RNMT: variants seen among roughly 807,000 people sequenced by gnomAD.
RNMT encodes mRNA cap guanine-N(7) methyltransferase.
RNMT carries 27 observed loss-of-function variants against 56.0 expected under a neutral mutation model. That is an observed-to-expected ratio of 0.48 (90% confidence interval 0.36 to 0.67). RNMT has a LOEUF of 0.67. Among genes scored for constraint, RNMT ranks in the 30% least tolerant of loss-of-function variants. The probability of loss-of-function intolerance (pLI) is 0.00; values close to 1 mark genes in which losing one functional copy is unlikely to be tolerated. For missense variants in RNMT, 519 were observed against 552.1 expected, an observed-to-expected ratio of 0.94 and a Z score of 0.60; for synonymous variants, 184 against 176.2, an observed-to-expected ratio of 1.04 and a Z score of -0.35.
Position 13,726,683 on chromosome 18 carries a change from G to C in RNMT, c.-218G>C, listed in dbSNP as rs45561441. 16,081 of 152,342 alleles carry C rather than the reference G, an allele frequency of 0.11. 928 individuals are homozygous for C. The highest frequency in any genetic ancestry group is 0.15 in the South Asian group (716 of 4,828). 9.4% of individuals were successfully genotyped at this position (152,342 alleles called of 1,614,324 possible). A position where few individuals can be genotyped will look rare whatever the true frequency, so the allele number is the denominator to read the frequency against. On this transcript the variant is annotated 5_prime_UTR_variant, in exon 1 of 12. Coordinates refer to ENST00000383314, the MANE Select transcript of RNMT (RefSeq NM_003799.3). ...GGAAGTGACGTAAGCAGACACGCGT[G>C]GCGCGGGCCGCCGTTTCCGCAAACA...
intron 1 of RNMT, among the ~76,000 whole-genome samples, chr18:13,729,110 T>C (rs1376988874): frequency 6.6e-6 from 1 of 152,272 alleles, no homozygotes; most frequent in Non-Finnish European, 1.5e-5. Context: ...CTTTTGGGTA[T>C]TAAATTTTTC....
At chr18:13,742,683 C>G in intron 8 of RNMT, 31 bp downstream of exon 8, 2 of 1,527,410 alleles carry the variant, frequency 1.3e-6, no homozygotes, top group Non-Finnish European at 1.8e-6. Flanking sequence ...TCACTCTTTT[C>G]TTTTTGTCTT....
chr18:13,733,143 C>G (rs80059519), intron 3 of RNMT, among the ~76,000 whole-genome samples: 2,705 of 152,150 alleles, frequency 0.018, 32 homozygotes, highest in Middle Eastern at 0.061. Context: ...ACACTTAAAC[C>G]TGTTACGTAA....
intron 11 of RNMT, among the ~76,000 whole-genome samples, chr18:13,759,474 A>G (rs1307880663): frequency 6.6e-6 from 1 of 152,212 alleles, no homozygotes; most frequent in Non-Finnish European, 1.5e-5. Flanking sequence ...AGGCCCTACA[A>G]CACAATAATT....
At chr18:13,742,977 T>G (rs1432934907) in intron 8 of RNMT, 1 of 177,078 alleles carries the variant, frequency 5.6e-6, no homozygotes, top group Non-Finnish European at 1.2e-5. Context: ...AAAAGTTTTT[T>G]TTTTTTTTTT....
chr18:13,735,632 T>C (rs1476316022), intron 4 of RNMT, among the ~76,000 whole-genome samples: 1 of 152,082 alleles, frequency 6.6e-6, no homozygotes, highest in African/African-American at 2.4e-5. Flanking sequence ...GCAGATAACT[T>C]ATTGGATTTT....
intron 11 of RNMT, 39 bp downstream of exon 11, chr18:13,754,186 A>C: frequency 7.2e-7 from 1 of 1,392,538 alleles, no homozygotes. Context: ...GATAATTTCA[A>C]AAGTCCTGTT....
At chr18:13,733,880 CAATG>C (rs1380911548) in intron 3 of RNMT, among the ~76,000 whole-genome samples, 2 of 152,138 alleles carry the variant, frequency 1.3e-5, no homozygotes, top group African/African-American at 4.8e-5. Flanking sequence ...TGAAATATCA[CAATG>C]AAAATTTTAA....
At chr18:13,729,816 T>G (rs1251342951) in intron 1 of RNMT, among the ~76,000 whole-genome samples, 1 of 152,178 alleles carries the variant, frequency 6.6e-6, no homozygotes, top group East Asian at 1.9e-4. Flanking sequence ...GCTTTTTTTT[T>G]TTAAGTGGGG....
chr18:13,729,052 C>T (rs564363092), intron 1 of RNMT, among the ~76,000 whole-genome samples: 1 of 152,160 alleles, frequency 6.6e-6, no homozygotes, highest in African/African-American at 2.4e-5. Context: ...TTTGCCCAGA[C>T]CAGTGTCTTG....
At chr18:13,753,926 T>C (rs1309970461) in intron 10 of RNMT, among the ~76,000 whole-genome samples, 188 bp from the exon 11 acceptor site, 1 of 151,888 alleles carries the variant, frequency 6.6e-6, no homozygotes, top group African/African-American at 2.4e-5. Flanking sequence ...TCTGAGAAGA[T>C]GACTTTCAAA....
At position 13,761,093 on chromosome 18, in the gene RNMT, A is replaced by G. The variant is rs2044613649; in HGVS notation, c.*1114A>G. ...AATTATTAAGCCATGATTTACAAAA[A>G]CATTACTTTCTGTAATTCACAATAC... On this transcript the variant is annotated 3_prime_UTR_variant, in exon 12 of 12. Transcript: ENST00000383314. The G allele has an allele frequency of 1.0e-6, 1 of 985,064 alleles. No homozygotes were observed. The highest frequency in any genetic ancestry group is 1.2e-6 in the Non-Finnish European group (1 of 829,692). 61.0% of individuals were successfully genotyped at this position (985,064 alleles called of 1,614,324 possible). A position where few individuals can be genotyped will look rare whatever the true frequency, so the allele number is the denominator to read the frequency against.
chr18:13,731,418 A>AT (rs1337125432), intron 2 of RNMT, 58 bp from the exon 3 acceptor site: 3 of 987,412 alleles, frequency 3.0e-6, no homozygotes, highest in Non-Finnish European at 4.5e-6. Context: ...CAAAAAAAAA[A>AT]AAAATTGTTT....
At chr18:13,746,498 G>A (rs1358349566) in intron 9 of RNMT, among the ~76,000 whole-genome samples, 161 bp downstream of exon 9, 2 of 152,222 alleles carry the variant, frequency 1.3e-5, no homozygotes, top group African/African-American at 4.8e-5. Flanking sequence ...TGAGTGCTCA[G>A]TAAATACTTG....
chr18:13,742,925 G>A, intron 8 of RNMT: 2 of 241,412 alleles, frequency 8.3e-6, no homozygotes, highest in Non-Finnish European at 1.5e-5. Context: ...GGAACCAGTT[G>A]CCTTCAGCTT....
Position 13,731,899 on chromosome 18 carries a change from A to G in RNMT, c.382A>G (p.Lys128Glu). The change falls in exon 3 of 12, where the codon AAA becomes GAA. Residue 128 changes from lysine (K) to glutamate (E), a missense_variant. Lys to Glu is a moderately conservative substitution (Grantham distance 56). Coordinates refer to ENST00000383314, the MANE Select transcript of RNMT (RefSeq NM_003799.3). ...STGDGTQNKR[K>E]IALEDVPEKQ... ...TGGAGATGGCACTCAAAATAAGAGA[A>G]AAATAGCACTTGAGGATGTTCCTGA... 1 of 1,601,600 alleles carries G rather than the reference A, an allele frequency of 6.2e-7. No individual in the cohort carries two copies. Among genetic ancestry groups the G allele is most frequent in the Non-Finnish European group, 8.5e-7 (1 of 1,177,292 alleles).
At chr18:13,740,114 T>G in intron 5 of RNMT, 53 bp from the exon 6 acceptor site, 1 of 1,063,596 alleles carries the variant, frequency 9.4e-7, no homozygotes, top group Non-Finnish European at 1.5e-6. Context: ...GATCAATGTC[T>G]AGATTTCTGG....
Position 13,760,276 on chromosome 18 carries a change from A to G in RNMT, c.*297A>G, listed in dbSNP as rs1306871081. On this transcript the variant is annotated 3_prime_UTR_variant, in exon 12 of 12. Coordinates refer to ENST00000383314, the MANE Select transcript of RNMT (RefSeq NM_003799.3). ...ATAAAAATATAATATGACTTGATAA[A>G]GCAACTAAACTCTTTCCACAGTGTT... The G allele has an allele frequency of 3.6e-6, 4 of 1,098,604 alleles. No individual in the cohort carries two copies. The highest frequency in any genetic ancestry group is 4.4e-6 in the Non-Finnish European group (4 of 902,370). The allele number at this position is 1,098,604 out of a possible 1,614,324, so 68.1% of individuals were successfully genotyped here.
Position 13,755,354 on chromosome 18 carries a change from G to GT in RNMT, c.1393+1208dup, listed in dbSNP as rs201191199. Among the ~76,000 whole-genome samples the GT allele has an allele frequency of 1.6e-4, 24 of 152,346 alleles. 1 individual carries two copies. In the East Asian group the frequency reaches 4.2e-3, roughly 27 times the overall value. On this transcript the variant is annotated intron_variant, in intron 11 of 11. Transcript: ENST00000383314. ...GAGTGTTGAACATGTGCAGGTGCGT[G>GT]TAACGTTTTTAATCCTTGTAATAAC... is the stretch of plus-strand genomic sequence containing the variant.
Sources: gnomAD v4.1 joint callset for allele counts (sites outside exome capture counted in the v4.1 genomes callset) on GRCh38, gnomAD v4.1.1 for gene constraint, MANE v1.5 for transcripts, NCBI Gene and HGNC (gene_info 2026-07-23, HGNC 2026-07-21) for gene names.